The following SOX6 variants were observed in gnomAD, a reference collection of about 807,000 sequenced individuals.
SOX6 encodes the protein SRY-box transcription factor 6.
Under a neutral mutation model 97.8 loss-of-function variants are expected in SOX6, and 11 were observed. The observed-to-expected ratio is 0.11, with a 90% CI of 0.07 to 0.19. The LOEUF (loss-of-function observed/expected upper bound fraction) is 0.19. Among genes scored for constraint, SOX6 ranks in the 10% least tolerant of loss-of-function variants. The pLI is 1.00. For missense variants in SOX6, 810 were observed against 1,039.5 expected, an observed-to-expected ratio of 0.78 and a Z score of 3.04; for synonymous variants, 360 against 371.4, an observed-to-expected ratio of 0.97 and a Z score of 0.35.
At chr11:16,218,421 T>G (rs1352996541) in intron 4 of SOX6, among the ~76,000 whole-genome samples, 1 of 152,126 alleles carries the variant, frequency 6.6e-6, no homozygotes, top group Non-Finnish European at 1.5e-5. Flanking sequence ...AGATTAGAAC[T>G]TAACATTTTA....
At chr11:16,631,428 C>T (rs1848706022) in intron 3 of SOX6, among the ~76,000 whole-genome samples, 1 of 152,184 alleles carries the variant, frequency 6.6e-6, no homozygotes, top group Non-Finnish European at 1.5e-5. Context: ...CTTCTTCTGG[C>T]TTGTAAAGTT....
chr11:16,641,985 C>T (rs1848923271), intron 3 of SOX6, among the ~76,000 whole-genome samples: 1 of 152,182 alleles, frequency 6.6e-6, no homozygotes, highest in Non-Finnish European at 1.5e-5. Flanking sequence ...TTAGTTGATG[C>T]AGTTTCTTCC....
intron 9 of SOX6, among the ~76,000 whole-genome samples, chr11:16,087,655 T>A (rs1419823713): frequency 6.6e-6 from 1 of 151,970 alleles, no homozygotes; most frequent in Non-Finnish European, 1.5e-5. Context: ...GTCTAATAGG[T>A]CTTAATTTTA....
intron 3 of SOX6, among the ~76,000 whole-genome samples, chr11:16,711,502 G>A (rs772598626): frequency 6.6e-6 from 1 of 152,166 alleles, no homozygotes; most frequent in Non-Finnish European, 1.5e-5. Flanking sequence ...CAGCCTGGAC[G>A]ACAGAAGGAG....
At chr11:16,095,412 A>G (rs1359015836) in intron 9 of SOX6, among the ~76,000 whole-genome samples, 2 of 151,816 alleles carry the variant, frequency 1.3e-5, no homozygotes, top group Non-Finnish European at 2.9e-5. Context: ...TGAAAAGAAT[A>G]CTACAGAAGT....
At chr11:16,380,985 A>T (rs919402304) in intron 1 of SOX6, among the ~76,000 whole-genome samples, 11 of 144,062 alleles carry the variant, frequency 7.6e-5, no homozygotes, top group African/African-American at 2.8e-4. Context: ...CAAGTTTTAG[A>T]TTCCTTGTCT....
chr11:16,566,723 G>T (rs1027938013), intron 4 of SOX6, among the ~76,000 whole-genome samples: 6 of 152,190 alleles, frequency 3.9e-5, no homozygotes, highest in Admixed American at 1.3e-4. Context: ...TTCATACATG[G>T]CTCATGGAAA....
At chr11:16,527,362 C>T (rs368280622) in intron 4 of SOX6, among the ~76,000 whole-genome samples, 2 of 152,048 alleles carry the variant, frequency 1.3e-5, no homozygotes, top group African/African-American at 4.8e-5. Flanking sequence ...TTAATTGCTA[C>T]CCTGGGTGAA....
chr11:16,708,488 A>G (rs1280899883), intron 3 of SOX6, among the ~76,000 whole-genome samples: 3 of 152,170 alleles, frequency 2.0e-5, no homozygotes, highest in Non-Finnish European at 4.4e-5. Context: ...ATATACCTAC[A>G]TTTTTTGTAA....
intron 3 of SOX6, among the ~76,000 whole-genome samples, chr11:16,254,568 A>G (rs1263100578): frequency 1.3e-5 from 2 of 152,030 alleles, no homozygotes; most frequent in Non-Finnish European, 2.9e-5. Flanking sequence ...GCGGACTTGG[A>G]TTAATTGTAA....
At chr11:16,249,099 A>G in intron 3 of SOX6, among the ~76,000 whole-genome samples, 1 of 152,034 alleles carries the variant, frequency 6.6e-6, no homozygotes, top group Non-Finnish European at 1.5e-5. Flanking sequence ...TCTGTCTCAA[A>G]AAAAAAAAAG....
At chr11:16,450,900 G>A (rs764587241) in intron 1 of SOX6, among the ~76,000 whole-genome samples, 1 of 152,112 alleles carries the variant, frequency 6.6e-6, no homozygotes, top group Admixed American at 6.6e-5. Flanking sequence ...AGAACACATG[G>A]ACTTTTCAGT....
chr11:16,588,248 G>C (rs1848116246), intron 4 of SOX6, among the ~76,000 whole-genome samples: 1 of 152,174 alleles, frequency 6.6e-6, no homozygotes, highest in South Asian at 2.1e-4. Flanking sequence ...TATCAGCAGA[G>C]TGTCAGAGCT....
intron 3 of SOX6, among the ~76,000 whole-genome samples, chr11:16,662,456 C>T (rs1003287895): frequency 6.6e-6 from 1 of 152,118 alleles, no homozygotes; most frequent in African/African-American, 2.4e-5. Flanking sequence ...TGGTATTCTG[C>T]AGTTTGAATA....
At chr11:16,623,998 C>T (rs186335382) in intron 3 of SOX6, among the ~76,000 whole-genome samples, 25 of 152,220 alleles carry the variant, frequency 1.6e-4, no homozygotes, top group Admixed American at 9.8e-4. Flanking sequence ...CCTACCCCTT[C>T]GGAGGCAATC....
intron 4 of SOX6, among the ~76,000 whole-genome samples, chr11:16,206,172 G>A (rs983139974): frequency 6.6e-6 from 1 of 151,946 alleles, no homozygotes; most frequent in Non-Finnish European, 1.5e-5. Context: ...TTTCAGATGC[G>A]ATATTTTTGT....
At chr11:16,486,667 C>A (rs1860439101) in intron 4 of SOX6, among the ~76,000 whole-genome samples, 1 of 152,168 alleles carries the variant, frequency 6.6e-6, no homozygotes, top group South Asian at 2.1e-4. Flanking sequence ...TTGAGACCAG[C>A]CTGGCCAACA....
chr11:16,227,081 C>A (rs1324334837), intron 4 of SOX6, among the ~76,000 whole-genome samples: 1 of 149,474 alleles, frequency 6.7e-6, no homozygotes, highest in East Asian at 1.9e-4. Flanking sequence ...TATATAAAAT[C>A]AGTATAATAA....
At chr11:16,093,724 C>T (rs554307745) in intron 9 of SOX6, among the ~76,000 whole-genome samples, 1 of 152,034 alleles carries the variant, frequency 6.6e-6, no homozygotes, top group East Asian at 1.9e-4. Flanking sequence ...TGTTTCTTGA[C>T]ATAACTGTGA....
Sources: allele counts gnomAD v4.1 joint callset (sites outside exome capture counted in the v4.1 genomes callset), GRCh38; gene constraint gnomAD v4.1.1; transcripts MANE v1.5; gene names NCBI Gene and HGNC (gene_info 2026-07-23, HGNC 2026-07-21).